The following ANKS1B variants were observed in gnomAD, a reference collection of about 807,000 sequenced individuals.
ANKS1B encodes the protein ankyrin repeat and sterile alpha motif domain containing 1B, also known as ankyrin repeat and sterile alpha motif domain-containing protein 1B.
In ANKS1B, 36 loss-of-function variants were observed where a neutral mutation model predicts 148.3. The observed-to-expected ratio is 0.24, with a 90% CI of 0.19 to 0.32. ANKS1B has a LOEUF of 0.32. Among genes scored for constraint, ANKS1B ranks in the 10% least tolerant of loss-of-function variants. The pLI is 1.00. For synonymous variants in ANKS1B, 542 were observed against 560.8 expected (o/e 0.97, Z 0.47); for missense variants, 1,157 against 1,542.6 (o/e 0.75, Z 4.19).
intron 17 of ANKS1B, among the ~76,000 whole-genome samples, chr12:99,027,923 T>A (rs1287390360): frequency 6.6e-6 from 1 of 152,228 alleles, no homozygotes; most frequent in Non-Finnish European, 1.5e-5. Context: ...ATTATTGCCA[T>A]AGCTACTCTA....
At position 98,844,279 on chromosome 12, in the gene ANKS1B, A is replaced by T. The variant is rs765661530; in HGVS notation, c.2779-12143T>A. On this transcript the variant is annotated intron_variant, in intron 17 of 26. Coordinates refer to ENST00000683438, the MANE Select transcript of ANKS1B (RefSeq NM_001352186.2). ...TTAGTGTAATTGTTAGGATTAAATG[A>T]GACATATGCAATGCATTTAGCACAG... is the stretch of plus-strand genomic sequence containing the variant. Among the ~76,000 whole-genome samples, 171 of 152,350 alleles carry T rather than the reference A, an allele frequency of 1.1e-3. 2 individuals are homozygous for T. Among genetic ancestry groups the T allele is most frequent in the Non-Finnish European group, 1.0e-3 (69 of 68,030 alleles).
intron 14 of ANKS1B, among the ~76,000 whole-genome samples, chr12:99,162,924 G>A (rs765758191): frequency 6.6e-6 from 1 of 152,064 alleles, no homozygotes; most frequent in Non-Finnish European, 1.5e-5. Flanking sequence ...CGGACATGGT[G>A]GCAGGCACCT....
At chr12:99,797,143 C>T (rs2066345746) in intron 4 of ANKS1B, among the ~76,000 whole-genome samples, 1 of 151,844 alleles carries the variant, frequency 6.6e-6, no homozygotes, top group Admixed American at 6.6e-5. Flanking sequence ...ATGGACTTTT[C>T]AAAATATAGA....
chr12:99,898,052 T>C lies in ANKS1B; in HGVS notation c.135-72663A>G, dbSNP rs115071079. 5.1e-3 allele frequency among the ~76,000 whole-genome samples: 775 copies of C among 152,272 alleles called. 10 individuals carry two copies. The highest frequency in any genetic ancestry group is 0.017 in the African/African-American group (726 of 41,554). On this transcript the variant is annotated intron_variant, in intron 1 of 26. Transcript: ENST00000683438. ...CATGTGCATATTAAATAGCAACACA[T>C]ATAAAGCTCTTAGCACAGTATCTGG...
chr12:99,145,199 CAGCAGGGACTTCTAAGCCAGGCCT>C (rs1305480526), intron 15 of ANKS1B, among the ~76,000 whole-genome samples: 1 of 152,120 alleles, frequency 6.6e-6, no homozygotes, highest in African/African-American at 2.4e-5. Flanking sequence ...TAAGGCTCCT[CAGCAGGGACTTCTAAGCCAGGCCT>C]TTGAAGTAAG....
At chr12:99,309,590 G>C (rs909501015) in intron 12 of ANKS1B, among the ~76,000 whole-genome samples, 1 of 151,908 alleles carries the variant, frequency 6.6e-6, no homozygotes, top group Non-Finnish European at 1.5e-5. Flanking sequence ...CATTAATTTA[G>C]ATAAACACAC....
Position 99,507,797 on chromosome 12 carries a change from G to A in ANKS1B, c.1273-3156C>T, listed in dbSNP as rs571879997. ...TGAACAAAATATCTGACAAGTGACC[G>A]TCAAAAGAGGATATGCAAGATAATT... On this transcript the variant is annotated intron_variant, in intron 9 of 26. Coordinates refer to ENST00000683438, the MANE Select transcript of ANKS1B (RefSeq NM_001352186.2). 7.2e-5 allele frequency among the ~76,000 whole-genome samples: 11 copies of A among 151,914 alleles called. No homozygotes were observed. In the East Asian group the frequency reaches 1.2e-3, roughly 16 times the overall value.
At chr12:99,314,856 G>T (rs185644876) in intron 12 of ANKS1B, among the ~76,000 whole-genome samples, 2 of 152,218 alleles carry the variant, frequency 1.3e-5, no homozygotes. Context: ...ACATAGGCAT[G>T]GGCAAAGATT....
chr12:98,995,364 A>G (rs893351394), intron 17 of ANKS1B, among the ~76,000 whole-genome samples: 7 of 152,138 alleles, frequency 4.6e-5, no homozygotes, highest in African/African-American at 7.2e-5. Context: ...GCCAAGGCAG[A>G]TGGATCACCT....
intron 9 of ANKS1B, among the ~76,000 whole-genome samples, chr12:99,524,913 G>T (rs2096911705): frequency 1.3e-5 from 2 of 152,150 alleles, no homozygotes; most frequent in African/African-American, 4.8e-5. Context: ...TACAGTCCAA[G>T]ATGAGATTTG....
chr12:99,254,921 A>G (rs996682054), intron 12 of ANKS1B, among the ~76,000 whole-genome samples: 3 of 152,158 alleles, frequency 2.0e-5, no homozygotes, highest in African/African-American at 7.2e-5. Context: ...GTTTGTTAGT[A>G]CTTTGGGATC....
intron 1 of ANKS1B, among the ~76,000 whole-genome samples, chr12:99,969,301 C>G (rs1471572727): frequency 6.6e-6 from 1 of 152,074 alleles, no homozygotes; most frequent in Non-Finnish European, 1.5e-5. Flanking sequence ...ACCTCATCCC[C>G]CTGAGTAGCT....
intron 9 of ANKS1B, among the ~76,000 whole-genome samples, chr12:99,509,349 T>C (rs531327439): frequency 6.6e-6 from 1 of 152,032 alleles, no homozygotes; most frequent in African/African-American, 2.4e-5. Flanking sequence ...AGGCCTCTTG[T>C]GCCAAACAGC....
chr12:99,094,576 G>A (rs1159743732), intron 15 of ANKS1B, among the ~76,000 whole-genome samples: 2 of 152,190 alleles, frequency 1.3e-5, no homozygotes, highest in African/African-American at 2.4e-5. Flanking sequence ...ATTAAGACCT[G>A]AGGGGATTAG....
chr12:99,646,045 C>CAAAAAAAA (rs2098359898), intron 9 of ANKS1B, among the ~76,000 whole-genome samples: 1 of 128,258 alleles, frequency 7.8e-6, no homozygotes, highest in Non-Finnish European at 1.7e-5. Context: ...AAAAAAAAGG[C>CAAAAAAAA]ACTTAAATTA....
intron 10 of ANKS1B, among the ~76,000 whole-genome samples, chr12:99,456,106 T>A (rs2095843645): frequency 6.6e-6 from 1 of 152,062 alleles, no homozygotes; most frequent in African/African-American, 2.4e-5. Flanking sequence ...ACAGAACTCT[T>A]TGCAGACACT....
At chr12:99,511,704 C>A (rs983604055) in intron 9 of ANKS1B, among the ~76,000 whole-genome samples, 1 of 151,886 alleles carries the variant, frequency 6.6e-6, no homozygotes, top group African/African-American at 2.4e-5. Flanking sequence ...GAACTGGTGA[C>A]AAAAACAGAC....
chr12:99,365,663 C>A (rs1367062352), intron 12 of ANKS1B, among the ~76,000 whole-genome samples: 1 of 152,070 alleles, frequency 6.6e-6, no homozygotes, highest in East Asian at 1.9e-4. Context: ...GGGTCCAATT[C>A]TAAATGAGAA....
chr12:99,373,126 T>G (rs2152478426), intron 12 of ANKS1B, among the ~76,000 whole-genome samples: 1 of 152,302 alleles, frequency 6.6e-6, no homozygotes, highest in Non-Finnish European at 1.5e-5. Flanking sequence ...TACATATATC[T>G]TACTTACCCC....
Sources: allele counts gnomAD v4.1 joint callset (sites outside exome capture counted in the v4.1 genomes callset), GRCh38; gene constraint gnomAD v4.1.1; transcripts MANE v1.5; gene names NCBI Gene and HGNC (gene_info 2026-07-23, HGNC 2026-07-21).